Variants in RALYL observed in about 807,000 individuals in gnomAD.
RALYL encodes RALY RNA binding protein like.
A neutral mutation model predicts 35.1 loss-of-function variants in RALYL; 29 were observed. The observed-to-expected ratio is 0.83, with a 90% CI of 0.61 to 1.13. RALYL has a LOEUF of 1.13. Ranked by LOEUF, RALYL falls within the 50% of genes most tolerant of loss-of-function variation. RALYL has a pLI of 0.00. For missense variants in RALYL, 359 were observed against 360.4 expected, an observed-to-expected ratio of 1.00 and a Z score of 0.03; for synonymous variants, 120 against 127.6, an observed-to-expected ratio of 0.94 and a Z score of 0.40.
chr8:84,443,793 CGTA>C (rs548209108), intron 1 of RALYL, among the ~76,000 whole-genome samples: 40 of 152,162 alleles, frequency 2.6e-4, no homozygotes, highest in African/African-American at 8.9e-4. Context: ...CCACTTCTGA[CGTA>C]GGCATGGATA....
intron 2 of RALYL, among the ~76,000 whole-genome samples, chr8:84,712,307 G>T (rs138514006): frequency 6.6e-6 from 1 of 152,100 alleles, no homozygotes; most frequent in African/African-American, 2.4e-5. Context: ...GAGCAGAGAC[G>T]TACAAAGGCT....
chr8:84,296,841 G>T (rs1315026796), intron 1 of RALYL, among the ~76,000 whole-genome samples: 1 of 151,786 alleles, frequency 6.6e-6, no homozygotes, highest in Non-Finnish European at 1.5e-5. Flanking sequence ...ATGTAATGCT[G>T]ATCAGCTGAA....
chr8:84,184,697 G>T (rs1049009682), intron 1 of RALYL, among the ~76,000 whole-genome samples: 2 of 151,944 alleles, frequency 1.3e-5, no homozygotes, highest in Admixed American at 6.6e-5. Flanking sequence ...GTCTCCCGGC[G>T]GGGCGGGTGG....
intron 2 of RALYL, among the ~76,000 whole-genome samples, chr8:84,689,533 A>G (rs1424084836): frequency 6.6e-6 from 1 of 152,128 alleles, no homozygotes; most frequent in Non-Finnish European, 1.5e-5. Flanking sequence ...TGCCGCAATA[A>G]ACATACGTGT....
chr8:84,826,775 C>T (rs988646733), intron 4 of RALYL, among the ~76,000 whole-genome samples: 5 of 151,894 alleles, frequency 3.3e-5, no homozygotes, highest in South Asian at 4.2e-4. Flanking sequence ...CACACCCCCA[C>T]GCCCCCGCCA....
chr8:84,876,725 G>A (rs972904934), intron 7 of RALYL, among the ~76,000 whole-genome samples: 1 of 152,128 alleles, frequency 6.6e-6, no homozygotes, highest in Admixed American at 6.6e-5. Context: ...CCTGATACAT[G>A]AGCAGCCAAG....
intron 1 of RALYL, among the ~76,000 whole-genome samples, chr8:84,283,048 C>T (rs1836913661): frequency 6.6e-6 from 1 of 151,844 alleles, no homozygotes; most frequent in South Asian, 2.1e-4. Flanking sequence ...GTAGTCATTC[C>T]AGCTAGCTCC....
At chr8:84,474,800 C>T (rs2053197595) in intron 1 of RALYL, among the ~76,000 whole-genome samples, 1 of 152,132 alleles carries the variant, frequency 6.6e-6, no homozygotes, top group African/African-American at 2.4e-5. Context: ...GTGAAACACA[C>T]TGTACTCTGA....
intron 2 of RALYL, among the ~76,000 whole-genome samples, chr8:84,533,967 G>C (rs1178172841): frequency 6.6e-6 from 1 of 152,200 alleles, no homozygotes. Flanking sequence ...ATCCCCAACT[G>C]TTTTGCATCC....
intron 2 of RALYL, among the ~76,000 whole-genome samples, chr8:84,581,199 T>G (rs548709869): frequency 6.6e-6 from 1 of 152,288 alleles, no homozygotes; most frequent in Non-Finnish European, 1.5e-5. Flanking sequence ...TTCCTTCCAC[T>G]GGTTTCAGCT....
intron 1 of RALYL, among the ~76,000 whole-genome samples, chr8:84,377,451 GTTTTTT>G (rs369746268): frequency 1.2e-3 from 100 of 83,718 alleles, no homozygotes; most frequent in African/African-American, 4.4e-3. Context: ...AAGGTTAACT[GTTTTTT>G]TTTTTTTTTT....
intron 2 of RALYL, among the ~76,000 whole-genome samples, chr8:84,550,721 G>A (rs1459544007): frequency 6.6e-6 from 1 of 151,474 alleles, no homozygotes; most frequent in African/African-American, 2.4e-5. Context: ...TTATGAACGC[G>A]GTTCCTATAA....
intron 2 of RALYL, among the ~76,000 whole-genome samples, chr8:84,542,013 T>C (rs925802810): frequency 6.6e-6 from 1 of 152,148 alleles, no homozygotes; most frequent in African/African-American, 2.4e-5. Flanking sequence ...GTTTTTTTAA[T>C]TCTAATAACC....
chr8:84,808,486 G>A (rs897911198), intron 4 of RALYL, among the ~76,000 whole-genome samples: 6 of 151,932 alleles, frequency 3.9e-5, no homozygotes, highest in Non-Finnish European at 8.8e-5. Flanking sequence ...TGGCTATACG[G>A]GCTCTTTTTT....
chr8:84,235,767 C>CTTTTTTTT (rs556495836), intron 1 of RALYL, among the ~76,000 whole-genome samples: 37 of 126,936 alleles, frequency 2.9e-4, no homozygotes, highest in South Asian at 5.0e-4. Flanking sequence ...TTTTCTTTTT[C>CTTTTTTTT]TTTTTTTTTT....
intron 1 of RALYL, among the ~76,000 whole-genome samples, chr8:84,357,379 C>T: frequency 6.6e-6 from 1 of 151,994 alleles, no homozygotes; most frequent in Admixed American, 6.6e-5. Flanking sequence ...ATAGCTGTTA[C>T]AGACATTCAT....
At chr8:84,729,727 A>G (rs1486413181) in intron 2 of RALYL, among the ~76,000 whole-genome samples, 2 of 152,052 alleles carry the variant, frequency 1.3e-5, no homozygotes, top group African/African-American at 2.4e-5. Context: ...ACAGAAATAC[A>G]AACTACCATC....
intron 2 of RALYL, among the ~76,000 whole-genome samples, chr8:84,594,696 A>G (rs575650349): frequency 2.0e-5 from 3 of 152,246 alleles, no homozygotes; most frequent in African/African-American, 7.2e-5. Flanking sequence ...TGGCTAGCAT[A>G]GGAAAGGAGA....
intron 1 of RALYL, among the ~76,000 whole-genome samples, chr8:84,272,243 C>A (rs1355367892): frequency 6.6e-6 from 1 of 152,086 alleles, no homozygotes; most frequent in Non-Finnish European, 1.5e-5. Context: ...CAGGCGCCCA[C>A]CACTATGCCC....
Sources: allele counts gnomAD v4.1 joint callset (sites outside exome capture counted in the v4.1 genomes callset), GRCh38; gene constraint gnomAD v4.1.1; transcripts MANE v1.5; gene names NCBI Gene and HGNC (gene_info 2026-07-23, HGNC 2026-07-21).